FNDC3A: variants seen among roughly 807,000 people sequenced by gnomAD.
FNDC3A encodes fibronectin type-III domain-containing protein 3A.
Under a neutral mutation model 148.9 loss-of-function variants are expected in FNDC3A, and 32 were observed. The ratio of observed to expected loss-of-function variants is 0.21; its 90% CI spans 0.16 to 0.29. FNDC3A has a LOEUF of 0.29. Ranked by LOEUF, FNDC3A falls within the 10% of genes least tolerant of loss-of-function variation. The pLI is 1.00. For missense variants in FNDC3A, 1,191 were observed against 1,452.8 expected (o/e 0.82, Z 2.93); for synonymous variants, 472 against 473.6 (o/e 1.00, Z 0.04).
upstream of FNDC3A, chr13:48,975,765 C>T (rs1951585503): frequency 6.6e-6 from 1 of 152,026 alleles, no homozygotes; most frequent in South Asian, 2.1e-4. Context: ...CGCTCAGCCG[C>T]CACGCGCCGG....
chr13:49,016,071 T>G (rs1188229968), intron 2 of FNDC3A, among the ~76,000 whole-genome samples: 10 of 152,364 alleles, frequency 6.6e-5, no homozygotes, highest in South Asian at 6.2e-4. Flanking sequence ...TCTCTTTTTT[T>G]GTTGTGTCTC....
intron 3 of FNDC3A, among the ~76,000 whole-genome samples, chr13:49,078,209 T>TA: frequency 6.6e-6 from 1 of 152,352 alleles, no homozygotes; most frequent in South Asian, 2.1e-4. Context: ...ATAAGTAGCT[T>TA]ATATTTCAAA....
chr13:49,197,851 A>G lies in FNDC3A; in HGVS notation c.2467A>G (p.Thr823Ala). 6.2e-7 allele frequency: 1 copy of G among 1,605,202 alleles called. No individual in the cohort carries two copies. The highest frequency in any genetic ancestry group is 1.1e-5 in the South Asian group (1 of 88,964). ...SYEIKGLSPA[T>A]TYYCRVQALS... ...TGAAATAAAAGGACTTTCACCAGCA[A>G]CTACCTATTATTGCAGGGTCCAGGT... is the stretch of plus-strand genomic sequence containing the variant. Residue 823 changes from threonine (T) to alanine (A), a missense_variant, in exon 21 of 26, where the codon ACT (threonine) becomes GCT (alanine). Thr to Ala is a moderately conservative substitution (Grantham distance 58, BLOSUM62 0). This residue lies in a region of FNDC3A where 751 missense variants were observed against 944.0 expected (regional missense o/e 0.80). Coordinates refer to ENST00000492622, the MANE Select transcript of FNDC3A (RefSeq NM_001079673.2).
chr13:49,082,915 T>TC (rs1878572286), intron 3 of FNDC3A, among the ~76,000 whole-genome samples: 1 of 151,948 alleles, frequency 6.6e-6, no homozygotes, highest in South Asian at 2.1e-4. Flanking sequence ...GAATCAGAGC[T>TC]CAAACAAGAG....
chr13:49,006,172 T>C lies in FNDC3A; in HGVS notation c.-19T>C. The C allele has an allele frequency of 7.3e-7, 1 of 1,378,014 alleles. No individual in the cohort carries two copies. The highest frequency in any genetic ancestry group is 1.0e-6 in the Non-Finnish European group (1 of 971,626). 85.4% of individuals were successfully genotyped at this position (1,378,014 alleles called of 1,614,324 possible). A position where few individuals can be genotyped will look rare whatever the true frequency, so the allele number is the denominator to read the frequency against. ...TTCAGAATTGGAGCGTTATTCAGTA[T>C]ATTAATGTCTTATTGATAATGGCAG... is the stretch of plus-strand genomic sequence containing the variant. On this transcript the variant is annotated 5_prime_UTR_variant, in exon 2 of 26. Transcript: ENST00000492622.
chr13:49,138,133 C>T (rs537258903), intron 6 of FNDC3A, among the ~76,000 whole-genome samples: 1 of 152,284 alleles, frequency 6.6e-6, no homozygotes, highest in Admixed American at 6.5e-5. Context: ...CTTCCTTTTC[C>T]TTAAAATTTC....
At chr13:48,982,459 T>C (rs1441718559) in intron 1 of FNDC3A, among the ~76,000 whole-genome samples, 3 of 152,168 alleles carry the variant, frequency 2.0e-5, no homozygotes, top group Non-Finnish European at 4.4e-5. Flanking sequence ...ATTCCTGAAA[T>C]AGTATGTTCG....
Position 49,187,011 on chromosome 13 carries a change from C to A in FNDC3A, c.1757-111C>A, listed in dbSNP as rs545847394. ...ATTGGGTACTGGTATTAAGTCATTG[C>A]AGGTGATTTTTTTTTTTTAAACCTA... On this transcript the variant is annotated intron_variant, in intron 15 of 25. Coordinates refer to ENST00000492622, the MANE Select transcript of FNDC3A (RefSeq NM_001079673.2). 3.7e-5 allele frequency: 24 copies of A among 645,482 alleles called. No homozygotes were observed. In the East Asian group the frequency reaches 6.2e-4, roughly 17 times the overall value. The allele number at this position is 645,482 out of a possible 1,614,324, so 40.0% of individuals were successfully genotyped here.
rs1321004551 is a variant in FNDC3A, at chr13:49,015,110, A to C, written c.99+8821A>C. 2.6e-5 allele frequency among the ~76,000 whole-genome samples: 4 copies of C among 152,282 alleles called. No homozygotes were observed. In the South Asian group the frequency reaches 8.3e-4, roughly 32 times the overall value. On this transcript the variant is annotated intron_variant, in intron 2 of 25. Coordinates refer to ENST00000492622, the MANE Select transcript of FNDC3A (RefSeq NM_001079673.2). Reference sequence around the variant, plus strand: ...CTTTTTAGGTTCCATATGAACTTTAAAGTAGTTTTTTCCAATTCTGTGAAG... The same window carrying C: ...CTTTTTAGGTTCCATATGAACTTTACAGTAGTTTTTTCCAATTCTGTGAAG...
At chr13:49,002,641 A>T (rs779137371) in intron 1 of FNDC3A, among the ~76,000 whole-genome samples, 2 of 152,090 alleles carry the variant, frequency 1.3e-5, no homozygotes, top group Non-Finnish European at 2.9e-5. Flanking sequence ...CACTGTCCTG[A>T]CTCTTAACAC....
intron 8 of FNDC3A, among the ~76,000 whole-genome samples, chr13:49,160,046 C>A (rs571507004): frequency 6.6e-6 from 1 of 152,140 alleles, no homozygotes; most frequent in Admixed American, 6.6e-5. Flanking sequence ...ATTTTCACAT[C>A]GATGTTCATC....
At chr13:49,160,822 T>C (rs1566295409) in intron 8 of FNDC3A, among the ~76,000 whole-genome samples, 2 of 151,826 alleles carry the variant, frequency 1.3e-5, no homozygotes, top group Non-Finnish European at 2.9e-5. Flanking sequence ...ATGTTGTGTC[T>C]TTGTTCTCAT....
At chr13:49,028,353 A>G (rs1023952452) in intron 2 of FNDC3A, among the ~76,000 whole-genome samples, 1 of 151,924 alleles carries the variant, frequency 6.6e-6, no homozygotes, top group African/African-American at 2.4e-5. Flanking sequence ...TGATTCTCCT[A>G]CCTCAGCCTC....
chr13:49,146,073 C>T, intron 8 of FNDC3A, 138 bp downstream of exon 8: 1 of 611,204 alleles, frequency 1.6e-6, no homozygotes, highest in East Asian at 3.0e-5. Context: ...ATAGTGATTT[C>T]AATGTAAATG....
At chr13:48,988,677 A>G (rs1437124064) in intron 1 of FNDC3A, among the ~76,000 whole-genome samples, 2 of 151,864 alleles carry the variant, frequency 1.3e-5, no homozygotes, top group African/African-American at 2.4e-5. Context: ...CCTTGTTTTT[A>G]CTAAATAATA....
At chr13:49,055,675 A>G (rs1022218433) in intron 2 of FNDC3A, among the ~76,000 whole-genome samples, 1 of 152,100 alleles carries the variant, frequency 6.6e-6, no homozygotes, top group Admixed American at 6.5e-5. Flanking sequence ...TTAAATCTAC[A>G]TATAACCTGG....
intron 3 of FNDC3A, among the ~76,000 whole-genome samples, chr13:49,080,496 T>C (rs1566237251): frequency 6.6e-6 from 1 of 152,232 alleles, no homozygotes; most frequent in Non-Finnish European, 1.5e-5. Context: ...AGAGGTATTT[T>C]GAAACAATCT....
At position 49,198,585 on chromosome 13, in the gene FNDC3A, T is replaced by C; in HGVS notation, c.2987+11T>C. ...GGATAAGAATGGACGGTAGGTTTTT[T>C]TAATTGCTTCTTTATATAGTTTCTT... On this transcript the variant is annotated intron_variant, in intron 23 of 25. Transcript: ENST00000492622. 6.3e-7 allele frequency: 1 copy of C among 1,590,206 alleles called. No homozygotes were observed.
At chr13:49,163,721 A>C (rs138382263) in intron 8 of FNDC3A, among the ~76,000 whole-genome samples, 2 of 152,094 alleles carry the variant, frequency 1.3e-5, no homozygotes, top group Non-Finnish European at 2.9e-5. Flanking sequence ...TATTGCTCAC[A>C]CTGGGAGCTG....
Sources: gnomAD v4.1 joint callset for allele counts (sites outside exome capture counted in the v4.1 genomes callset) on GRCh38, gnomAD v4.1.1 for gene constraint, gnomAD v4.1.1 regional missense constraint, MANE v1.5 for transcripts, NCBI Gene and HGNC (gene_info 2026-07-23, HGNC 2026-07-21) for gene names.